PUDP: variants seen among roughly 807,000 people sequenced by gnomAD.
The protein encoded by PUDP is pseudouridine-5'-phosphatase.
In PUDP, 8 loss-of-function variants were observed where a neutral mutation model predicts 9.4. The ratio of observed to expected loss-of-function variants is 0.85; its 90% CI spans 0.50 to 1.53. The LOEUF (loss-of-function observed/expected upper bound fraction) is 1.53, where lower values mean the gene tolerates loss of function less well. Ranked by LOEUF, PUDP falls within the 40% of genes most tolerant of loss-of-function variation. The probability of loss-of-function intolerance (pLI) is 0.00; values close to 1 mark genes in which losing one functional copy is unlikely to be tolerated. For missense variants in PUDP, 188 were observed against 189.7 expected, an observed-to-expected ratio of 0.99 and a Z score of 0.05; for synonymous variants, 99 against 80.7, an observed-to-expected ratio of 1.23 and a Z score of -1.22.
At chrX:7,066,872 C>T (rs764839960) in intron 3 of PUDP, among the ~76,000 whole-genome samples, 5 of 112,231 alleles carry the variant, frequency 4.5e-5, no homozygotes, top group Admixed American at 2.8e-4. Flanking sequence ...ATCACACACA[C>T]ATAAACACAC....
chrX:7,062,842 G>A (rs1296514665), intron 3 of PUDP, among the ~76,000 whole-genome samples: 2 of 106,818 alleles, frequency 1.9e-5, no homozygotes, highest in Middle Eastern at 4.9e-3. Flanking sequence ...TACCCTAGCA[G>A]TATTGTTTAT....
At chrX:6,718,516 C>A (rs73457816) in intron 1 of PUDP, among the ~76,000 whole-genome samples, 382 of 111,636 alleles carry the variant, frequency 3.4e-3, no homozygotes, top group African/African-American at 0.012. Context: ...AAATATTGCA[C>A]AATGTCACTT....
intron 1 of PUDP, among the ~76,000 whole-genome samples, chrX:7,006,112 G>A (rs1929398705): frequency 8.9e-6 from 1 of 111,763 alleles, no homozygotes; most frequent in Non-Finnish European, 1.9e-5. Context: ...TCACTTTTTG[G>A]CTATTGTAAA....
chrX:6,947,919 A>T (rs1309555412), intron 3 of PUDP, among the ~76,000 whole-genome samples: 1 of 112,590 alleles, frequency 8.9e-6, no homozygotes, highest in African/African-American at 3.2e-5. Flanking sequence ...CTAAAATTTG[A>T]GCAATTCCAT....
intron 3 of PUDP, among the ~76,000 whole-genome samples, chrX:6,847,097 G>T (rs935121770): frequency 9.0e-6 from 1 of 111,695 alleles, no homozygotes; most frequent in Admixed American, 9.5e-5. Flanking sequence ...TTGCTAAACA[G>T]TAAAATGAAT....
chrX:6,759,898 T>C (rs868800779), intron 3 of PUDP, among the ~76,000 whole-genome samples: 2 of 7,295 alleles, frequency 2.7e-4, no homozygotes, highest in Non-Finnish European at 4.1e-4. Context: ...CAGTGCTCGC[T>C]AGCAGTCTGC....
rs61299123 is a variant in PUDP, at chrX:6,926,922, CTTTTTTTTTTTTT to C, written c.*247+50198_*247+50210del. ...TCTAATGGACACAAGGAGACAATTC[CTTTTTTTTTTTTT>C]TTTTTTTTTTGAGACTGTGTCTCAC... On this transcript the variant is annotated intron_variant and NMD_transcript_variant, in intron 3 of 3. Coordinates refer to the PUDP transcript ENST00000655425. Among the ~76,000 whole-genome samples the C allele has an allele frequency of 5.7e-4, 38 of 66,862 alleles. No individual in the cohort carries two copies. In the Middle Eastern group the frequency reaches 0.035, roughly 62 times the overall value. 58.1% of individuals were successfully genotyped at this position (66,862 alleles called of 115,157 possible).
intron 3 of PUDP, among the ~76,000 whole-genome samples, chrX:6,860,679 C>T (rs1926987734): frequency 9.0e-6 from 1 of 110,586 alleles, no homozygotes; most frequent in African/African-American, 3.3e-5. Flanking sequence ...AGCATGTGGG[C>T]CAAGATGGTC....
chrX:7,066,781 C>A (rs1378244834), intron 3 of PUDP, among the ~76,000 whole-genome samples: 1 of 111,998 alleles, frequency 8.9e-6, no homozygotes, highest in African/African-American at 3.2e-5. Flanking sequence ...AAAACCAGCA[C>A]TGCTATAAAG....
intron 3 of PUDP, among the ~76,000 whole-genome samples, chrX:6,784,692 C>T (rs60957635): frequency 3.9e-4 from 44 of 112,134 alleles, no homozygotes; most frequent in African/African-American, 1.1e-3. Context: ...TGCTTCCTGA[C>T]GGGTTGTCAA....
intron 1 of PUDP, among the ~76,000 whole-genome samples, chrX:7,114,046 GTCTC>G (rs199597384): frequency 4.5e-5 from 4 of 88,943 alleles, no homozygotes; most frequent in African/African-American, 1.3e-4. Context: ...GCTAGCTCAG[GTCTC>G]TCTCTCTCTC....
chrX:6,827,608 C>G lies in PUDP; in HGVS notation c.*248-121142G>C, dbSNP rs756231432. On this transcript the variant is annotated intron_variant and NMD_transcript_variant, in intron 3 of 3. Transcript: ENST00000655425. The stretch of plus-strand genomic sequence containing the variant: ...TAAAAGTGCACAGCAAAAATTCTAC[C>G]TCTTTCTCAACTAGAGCAAATCCAC... 1.4e-4 allele frequency among the ~76,000 whole-genome samples: 16 copies of G among 111,861 alleles called. No individual in the cohort carries two copies. In the South Asian group the frequency reaches 5.6e-3, roughly 39 times the overall value.
intron 3 of PUDP, among the ~76,000 whole-genome samples, chrX:6,745,033 A>G (rs1924983364): frequency 8.9e-6 from 1 of 111,833 alleles, no homozygotes. Context: ...TGGTGCATAT[A>G]TTTTTATATC....
chrX:6,850,044 T>C (rs914668741), intron 3 of PUDP, among the ~76,000 whole-genome samples: 2 of 111,374 alleles, frequency 1.8e-5, no homozygotes, highest in African/African-American at 6.5e-5. Flanking sequence ...TTCTCTAAAT[T>C]CCTGATCAAG....
In PUDP at chrX:6,713,569, G is replaced by A. The variant is rs1009768957; in HGVS notation, n.129-7103C>T. Among the ~76,000 whole-genome samples, 19 of 112,282 alleles carry A rather than the reference G, an allele frequency of 1.7e-4. 1 individual carries two copies. The South Asian group carries it at 1.8e-3, about 11-fold the overall frequency. ...AAAGATATGATATTTGATAGGTGAC[G>A]TGTATTAAATACATTTTCAACTTAC... On this transcript the variant is annotated intron_variant and non_coding_transcript_variant, in intron 1 of 2. Coordinates refer to the PUDP transcript ENST00000438499.
chrX:6,890,577 C>A (rs1254479838), intron 3 of PUDP, among the ~76,000 whole-genome samples: 1 of 110,923 alleles, frequency 9.0e-6, no homozygotes. Flanking sequence ...TATAGTGGCA[C>A]ATTTTCCACA....
intron 3 of PUDP, among the ~76,000 whole-genome samples, chrX:6,757,041 T>C (rs774888861): frequency 1.1e-3 from 125 of 112,063 alleles, no homozygotes; most frequent in African/African-American, 3.6e-3. Flanking sequence ...GAGAATAGAT[T>C]ATCCTGAGAG....
chrX:6,758,877 G>A (rs1241760115), intron 3 of PUDP, among the ~76,000 whole-genome samples: 2 of 111,643 alleles, frequency 1.8e-5, no homozygotes, highest in Admixed American at 9.6e-5. Context: ...CACAGCCTTC[G>A]GCCAGAGTGA....
chrX:7,012,313 T>C (rs1431723471), intron 1 of PUDP, among the ~76,000 whole-genome samples: 1 of 112,233 alleles, frequency 8.9e-6, no homozygotes. Flanking sequence ...ACATAAATAT[T>C]ATTAGCAAGC....
Sources: allele counts gnomAD v4.1 joint callset (sites outside exome capture counted in the v4.1 genomes callset), GRCh38; gene constraint gnomAD v4.1.1; transcripts MANE v1.5; gene names NCBI Gene and HGNC (gene_info 2026-07-23, HGNC 2026-07-21).